RTL9: variants seen among roughly 807,000 people sequenced by gnomAD.
RTL9 encodes retrotransposon Gag-like protein 9.
RTL9 carries 19 observed loss-of-function variants against 44.7 expected under a neutral mutation model. The ratio of observed to expected loss-of-function variants is 0.42; its 90% CI spans 0.30 to 0.62. RTL9 has a LOEUF of 0.62. Among genes scored for constraint, RTL9 ranks in the 20% least tolerant of loss-of-function variants. The probability of loss-of-function intolerance (pLI) is 0.16; values close to 1 mark genes in which losing one functional copy is unlikely to be tolerated. For synonymous variants in RTL9, 407 were observed against 398.9 expected, an observed-to-expected ratio of 1.02 and a Z score of -0.24; for missense variants, 1,105 against 1,080.6, an observed-to-expected ratio of 1.02 and a Z score of -0.32.
In RTL9 at chrX:110,394,396, C is replaced by T. The variant is rs751887789; in HGVS notation, c.-168+35480C>T. Among the ~76,000 whole-genome samples the T allele has an allele frequency of 7.2e-5, 8 of 111,292 alleles. No homozygotes were observed. The East Asian group carries it at 1.7e-3, about 24-fold the overall frequency. ...CCTCCTGAGTAGCTGTGACTACAGA[C>T]GTGTGCCACCATGCCTGGCTAAATT... On this transcript the variant is annotated intron_variant, in intron 1 of 2. Coordinates refer to the RTL9 transcript ENST00000520821.
intron 1 of RTL9, among the ~76,000 whole-genome samples, chrX:110,411,159 C>T (rs752035705): frequency 6.3e-5 from 7 of 111,800 alleles, no homozygotes; most frequent in African/African-American, 2.3e-4. Flanking sequence ...CTGTGGCCTC[C>T]GACAGTGAAC....
chrX:110,452,259 G>A lies in RTL9; in HGVS notation c.1642G>A (p.Ala548Thr), dbSNP rs769220003. Residue 548 changes from alanine to threonine, a missense_variant, in exon 1 of 2, where the codon GCA becomes ACA. Ala to Thr is a moderately conservative substitution (Grantham distance 58, BLOSUM62 0). Coordinates refer to ENST00000540313, the Ensembl canonical transcript of RTL9. Reference sequence around the variant, plus strand: ...GCAAATGAGAGCCCCTGTCTCTGAAGCAATGTCCATGCCACAAATGAGAAC... The same window carrying A: ...GCAAATGAGAGCCCCTGTCTCTGAAACAATGTCCATGCCACAAATGAGAAC... 3 of 1,211,762 alleles carry A rather than the reference G, an allele frequency of 2.5e-6. No homozygotes were observed. The highest frequency in any genetic ancestry group is 3.4e-6 in the Non-Finnish European group (3 of 895,491).
exon 1 of RTL9, chrX:110,454,034 A>G: frequency 1.7e-6 from 2 of 1,212,070 alleles, no homozygotes; most frequent in African/African-American, 1.7e-5. Context: ...AGGAAGTGCC[A>G]TCCTTCGGAA....
intron 1 of RTL9, among the ~76,000 whole-genome samples, chrX:110,443,575 T>C (rs1287541762): frequency 8.9e-6 from 1 of 112,200 alleles, no homozygotes; most frequent in Non-Finnish European, 1.9e-5. Context: ...TGGGGCCAAT[T>C]ATGTAAAGAA....
intron 1 of RTL9, among the ~76,000 whole-genome samples, chrX:110,397,182 C>T (rs2068534009): frequency 9.0e-6 from 1 of 111,198 alleles, no homozygotes; most frequent in Non-Finnish European, 1.9e-5. Flanking sequence ...CTCTTAGATG[C>T]TTGGCTCTCC....
chrX:110,400,824 T>A (rs1328335045), intron 1 of RTL9, among the ~76,000 whole-genome samples: 1 of 111,762 alleles, frequency 8.9e-6, no homozygotes, highest in Non-Finnish European at 1.9e-5. Context: ...ATTTTATTTA[T>A]GTCTGAGTCT....
chrX:110,441,823 C>G (rs1350855510), intron 1 of RTL9, among the ~76,000 whole-genome samples: 1 of 111,842 alleles, frequency 8.9e-6, no homozygotes, highest in African/African-American at 3.3e-5. Flanking sequence ...ATACTTATTT[C>G]GTGCATGTAA....
At chrX:110,438,150 A>G (rs370065356) in intron 1 of RTL9, among the ~76,000 whole-genome samples, 9 of 111,231 alleles carry the variant, frequency 8.1e-5, no homozygotes, top group African/African-American at 2.6e-4. Flanking sequence ...ACCTAGAATG[A>G]TTTCATGTTC....
exon 2 of RTL9, chrX:110,455,273 C>A (rs1446625890): frequency 1.7e-6 from 2 of 1,210,644 alleles, no homozygotes; most frequent in Non-Finnish European, 2.2e-6. Context: ...TTCATGATCA[C>A]CTTGGACAGA....
At chrX:110,405,430 T>G (rs2068594795) in intron 1 of RTL9, among the ~76,000 whole-genome samples, 1 of 111,466 alleles carries the variant, frequency 9.0e-6, no homozygotes, top group African/African-American at 3.3e-5. Flanking sequence ...AGAAACACTT[T>G]GTTTACCTCA....
rs776738472 is a variant in RTL9 at position 110,451,088 on chromosome X, A to G, written c.471A>G (p.Val157=). The G allele has an allele frequency of 4.1e-6, 5 of 1,210,866 alleles. No homozygotes were observed. The East Asian group carries it at 1.5e-4, about 36-fold the overall frequency. The change falls in exon 1 of 2, where the codon GTA becomes GTG. Residue 157 remains valine, a synonymous_variant. Transcript: ENST00000540313. The stretch of plus-strand genomic sequence containing the variant: ...GAACGATGTCCGCAACGCTAATGGT[A>G]GCACCAGATTCTGCAGAGATATCAC...
At chrX:110,366,067 G>A (rs901060046) in intron 1 of RTL9, among the ~76,000 whole-genome samples, 2 of 111,558 alleles carry the variant, frequency 1.8e-5, no homozygotes, top group African/African-American at 6.5e-5. Flanking sequence ...GGCCCGGGGA[G>A]GACATGTGTT....
intron 1 of RTL9, among the ~76,000 whole-genome samples, chrX:110,423,791 TGTTCTGATCACACAA>T (rs992399991): frequency 1.8e-5 from 2 of 112,361 alleles, no homozygotes; most frequent in African/African-American, 6.5e-5. Flanking sequence ...GGGAATGGTT[TGTTCTGATCACACAA>T]TTTTTTCCAG....
At chrX:110,453,856 G>A (rs945658574) in exon 1 of RTL9, 2 of 1,210,181 alleles carry the variant, frequency 1.7e-6, no homozygotes, top group African/African-American at 1.7e-5. Context: ...TCAGGCCCTG[G>A]AACAATGTCC....
chrX:110,422,482 G>A (rs1327376810), intron 1 of RTL9, among the ~76,000 whole-genome samples: 1 of 112,881 alleles, frequency 8.9e-6, no homozygotes, highest in African/African-American at 3.2e-5. Flanking sequence ...GTTCTCCCCA[G>A]TTGTGGCAAA....
rs745380654 is a variant in RTL9, at chrX:110,451,037, A to G, written c.420A>G (p.Pro140=). ...CTTCAGAGTATGGGGTAATGTCCCC[A>G]GGGATGATGACAATTCCTGATTTTG... The change falls in exon 1 of 2, where the codon CCA becomes CCG. Residue 140 remains proline (P), a synonymous_variant. Transcript: ENST00000540313. 36 of 1,210,446 alleles carry G rather than the reference A, an allele frequency of 3.0e-5. 1 individual carries two copies. In the East Asian group the frequency reaches 5.0e-4, roughly 17 times the overall value.
intron 1 of RTL9, among the ~76,000 whole-genome samples, chrX:110,374,323 G>A (rs12008552): frequency 0.026 from 2,883 of 111,502 alleles, 87 homozygotes; most frequent in African/African-American, 0.088. Context: ...TCTGGGCCAG[G>A]GTATATGCAC....
At chrX:110,447,676 G>T (rs760170769), upstream of RTL9, among the ~76,000 whole-genome samples, 1 of 111,346 alleles carries the variant, frequency 9.0e-6, no homozygotes, top group East Asian at 2.8e-4. Context: ...TACCTTACAG[G>T]TGTTGCTGGG....
intron 1 of RTL9, among the ~76,000 whole-genome samples, chrX:110,373,334 G>A (rs2068352498): frequency 8.9e-6 from 1 of 111,755 alleles, no homozygotes; most frequent in Non-Finnish European, 1.9e-5. Context: ...ACACTAGTAT[G>A]AAACCAAAAT....
Sources: gnomAD v4.1 joint callset for allele counts (sites outside exome capture counted in the v4.1 genomes callset) on GRCh38, gnomAD v4.1.1 for gene constraint, MANE v1.5 for transcripts, NCBI Gene and HGNC (gene_info 2026-07-23, HGNC 2026-07-21) for gene names.